The following TXNRD2 variants were observed in gnomAD, a reference collection of about 807,000 sequenced individuals.
TXNRD2 encodes thioredoxin reductase 2.
In TXNRD2, 67 loss-of-function variants were observed where a neutral mutation model predicts 70.8. The ratio of observed to expected loss-of-function variants is 0.95; its 90% CI spans 0.78 to 1.16. TXNRD2 has a LOEUF of 1.16. Ranked by LOEUF, TXNRD2 falls within the 50% of genes most tolerant of loss-of-function variation. The pLI, the probability that TXNRD2 is intolerant of heterozygous loss-of-function variation, is 0.00. For synonymous variants in TXNRD2, 301 were observed against 295.8 expected, an observed-to-expected ratio of 1.02 and a Z score of -0.18; for missense variants, 644 against 719.9, an observed-to-expected ratio of 0.89 and a Z score of 1.21.
intron 1 of TXNRD2, among the ~76,000 whole-genome samples, chr22:19,937,165 T>A (rs767416348): frequency 6.6e-6 from 1 of 152,190 alleles, no homozygotes. Context: ...GAGGCCCGCC[T>A]GCAGGCTCAG....
rs1413463015 is a variant in TXNRD2 at position 19,877,020 on chromosome 22, AG to A, written c.*65+19del. On this transcript the variant is annotated intron_variant, in intron 17 of 17. Transcript: ENST00000400521. ...TGCCACATGCCCTGTCCTCAAACAGAGCCAGCCCCACCTGCATACCTGGGTC... is the reference window on the plus strand; with the variant it reads ...TGCCACATGCCCTGTCCTCAAACAGACCAGCCCCACCTGCATACCTGGGTC... 21 of 1,497,038 alleles carry A rather than the reference AG, an allele frequency of 1.4e-5. No homozygotes were observed. The highest frequency in any genetic ancestry group is 1.8e-5 in the Non-Finnish European group (20 of 1,111,890). 92.7% of individuals were successfully genotyped at this position (1,497,038 alleles called of 1,614,324 possible).
chr22:19,880,722 G>A lies in TXNRD2; in HGVS notation c.1087-5C>T. 6.2e-7 allele frequency: 1 copy of A among 1,606,372 alleles called. No homozygotes were observed. Among genetic ancestry groups the A allele is most frequent in the South Asian group, 1.1e-5 (1 of 90,962 alleles). On this transcript the variant is annotated splice_polypyrimidine_tract_variant and splice_region_variant and intron_variant, in intron 12 of 17. Transcript: ENST00000400521. Reference sequence around the variant, plus strand: ...GGGTGTCAGCTCAGGCCGCCCCTTGGGGAAGGCACAGGGGGGCCACGTCAG... The same window carrying A: ...GGGTGTCAGCTCAGGCCGCCCCTTGAGGAAGGCACAGGGGGGCCACGTCAG...
chr22:19,880,834 G>A (rs1373067763), intron 12 of TXNRD2, 117 bp from the exon 13 acceptor site: 2 of 701,456 alleles, frequency 2.9e-6, no homozygotes, highest in Admixed American at 4.3e-5. Context: ...CCCCAACACT[G>A]GCACCGAGCA....
At chr22:19,932,813 G>C (rs1215153298) in intron 1 of TXNRD2, among the ~76,000 whole-genome samples, 1 of 152,194 alleles carries the variant, frequency 6.6e-6, no homozygotes, top group East Asian at 1.9e-4. Flanking sequence ...GTCATACAAG[G>C]CTGGGCAACC....
Position 19,879,803 on chromosome 22 carries a change from G to A in TXNRD2, c.1275+376C>T, listed in dbSNP as rs553295055. 3.9e-4 allele frequency among the ~76,000 whole-genome samples: 60 copies of A among 152,210 alleles called. 1 individual carries two copies. The highest frequency in any genetic ancestry group is 5.4e-4 in the Non-Finnish European group (37 of 67,966). The stretch of plus-strand genomic sequence containing the variant: ...GCTCAGCTGACCTCAGCAGGGGAGC[G>A]GGTGGCACCGTGGTGGTGACCCTGC... On this transcript the variant is annotated intron_variant, in intron 14 of 17. Transcript: ENST00000400521.
At chr22:19,909,971 CCACA>C (rs550458869) in intron 8 of TXNRD2, among the ~76,000 whole-genome samples, 1 of 121,592 alleles carries the variant, frequency 8.2e-6, no homozygotes, top group East Asian at 2.5e-4. Flanking sequence ...CACACACACA[CCACA>C]CACACCATTC....
At chr22:19,923,631 C>T (rs374198907) in intron 2 of TXNRD2, among the ~76,000 whole-genome samples, 5 of 152,178 alleles carry the variant, frequency 3.3e-5, no homozygotes, top group South Asian at 2.1e-4. Flanking sequence ...AGTGAAAGCT[C>T]GTCTCTACTA....
intron 8 of TXNRD2, among the ~76,000 whole-genome samples, chr22:19,908,499 T>A (rs761163638): frequency 2.0e-5 from 3 of 151,992 alleles, no homozygotes; most frequent in Non-Finnish European, 2.9e-5. Flanking sequence ...GAAAACAACA[T>A]GCACTGGCGA....
At chr22:19,910,839 A>C in intron 8 of TXNRD2, 2 of 216,938 alleles carry the variant, frequency 9.2e-6, no homozygotes, top group South Asian at 1.3e-4. Flanking sequence ...CTTTAGGAGG[A>C]CGAGGTGGGC....
intron 8 of TXNRD2, among the ~76,000 whole-genome samples, chr22:19,907,808 A>G (rs10222209): frequency 0.17 from 1,344 of 8,052 alleles, 224 homozygotes; most frequent in Middle Eastern, 0.33. Context: ...GAGTGTGGGC[A>G]CCGTGGGTAG....
At chr22:19,939,513 C>CTT (rs1428731747) in intron 1 of TXNRD2, among the ~76,000 whole-genome samples, 1 of 152,196 alleles carries the variant, frequency 6.6e-6, no homozygotes, top group Non-Finnish European at 1.5e-5. Context: ...TCTTATTGGG[C>CTT]TTATGTGCCT....
At chr22:19,940,270 C>T (rs1164538191) in intron 1 of TXNRD2, among the ~76,000 whole-genome samples, 1 of 134,950 alleles carries the variant, frequency 7.4e-6, no homozygotes, top group African/African-American at 2.9e-5. Context: ...AAAAAAACCC[C>T]AAAAAAACAA....
rs544242322 is a variant in TXNRD2 at position 19,880,628 on chromosome 22, G to A, written c.1176C>T (p.Tyr392=). The change falls in exon 13 of 18, where the codon TAC becomes TAT. Residue 392 remains tyrosine (Y), a synonymous_variant. Transcript: ENST00000400521. ...LFGGSSDLMD[Y]DNVPTTVFTP... ...GTCCTGCTAGAGAACTCACATTGTCGTAGTCCATCAGATCTGAGGACCCGC... is the reference window on the plus strand; with the variant it reads ...GTCCTGCTAGAGAACTCACATTGTCATAGTCCATCAGATCTGAGGACCCGC... 76 of 1,613,206 alleles carry A rather than the reference G, an allele frequency of 4.7e-5. No individual in the cohort carries two copies. Among genetic ancestry groups the A allele is most frequent in the African/African-American group, 3.2e-4 (24 of 75,024 alleles).
chr22:19,938,797 C>T (rs1429000212), intron 1 of TXNRD2, among the ~76,000 whole-genome samples: 3 of 152,096 alleles, frequency 2.0e-5, no homozygotes, highest in Non-Finnish European at 2.9e-5. Context: ...GACTCGGTCT[C>T]GGTCCAAAAC....
chr22:19,912,172 G>A (rs1388922948), intron 7 of TXNRD2, among the ~76,000 whole-genome samples: 1 of 152,170 alleles, frequency 6.6e-6, no homozygotes, highest in African/African-American at 2.4e-5. Context: ...CAGGGTGAAC[G>A]TCCCCTTAGC....
chr22:19,880,373 T>A (rs1266074290), intron 13 of TXNRD2, 102 bp from the exon 14 acceptor site: 31 of 1,262,880 alleles, frequency 2.5e-5, no homozygotes, highest in Non-Finnish European at 3.4e-5. Flanking sequence ...CAGGACCAGA[T>A]GCGCCCAGAG....
chr22:19,911,433 C>A lies in TXNRD2; in HGVS notation c.606G>T (p.Leu202Phe), dbSNP rs2146025220. 1 of 1,613,748 alleles carries A rather than the reference C, an allele frequency of 6.2e-7. No homozygotes were observed. The highest frequency in any genetic ancestry group is 2.2e-5 in the East Asian group (1 of 44,890). ...PRYPTHIEGA[L>F]EYGITSDDIF... ...TGTCATCACTTGTGATTCCATATTC[C>A]AAGGCACCTTCGATCTGTCAAGACA... Residue 202 changes from leucine to phenylalanine, a missense_variant, in exon 8 of 18, where the codon TTG becomes TTT. Leu to Phe is a conservative substitution (Grantham distance 22). This residue lies in a region of TXNRD2 where 566 missense variants were observed against 645.0 expected (regional missense o/e 0.88). Coordinates refer to ENST00000400521, the MANE Select transcript of TXNRD2 (RefSeq NM_006440.5).
rs576366299 is a variant in TXNRD2 at position 19,887,981 on chromosome 22, T to C, written c.950-4520A>G. 4.2e-4 allele frequency: 64 copies of C among 153,970 alleles called. No homozygotes were observed. In the South Asian group the frequency reaches 0.013, roughly 31 times the overall value. 9.5% of individuals were successfully genotyped at this position (153,970 alleles called of 1,614,324 possible). A position where few individuals can be genotyped will look rare whatever the true frequency, so the allele number is the denominator to read the frequency against. On this transcript the variant is annotated intron_variant, in intron 11 of 17. Transcript: ENST00000400521. ...GCTGCCCACTGGACTTGGTTCAGAA[T>C]TGGGGCTGATGGGCCCAACAAAGTT...
At chr22:19,909,751 C>G (rs1601436652) in intron 8 of TXNRD2, among the ~76,000 whole-genome samples, 1 of 135,302 alleles carries the variant, frequency 7.4e-6, no homozygotes, top group African/African-American at 2.8e-5. Flanking sequence ...ACCACACACA[C>G]CCACACCCTT....
Sources: gnomAD v4.1 joint callset for allele counts (sites outside exome capture counted in the v4.1 genomes callset) on GRCh38, gnomAD v4.1.1 for gene constraint, gnomAD v4.1.1 regional missense constraint, MANE v1.5 for transcripts, NCBI Gene and HGNC (gene_info 2026-07-23, HGNC 2026-07-21) for gene names.